The following NDST4 variants were observed in gnomAD, a reference collection of about 807,000 sequenced individuals.
The protein encoded by NDST4 is N-heparan sulfate sulfotransferase 4.
NDST4 carries 63 observed loss-of-function variants against 100.8 expected under a neutral mutation model. The observed-to-expected ratio is 0.62, with a 90% CI of 0.51 to 0.77. NDST4 has a LOEUF of 0.77. Ranked by LOEUF, NDST4 falls within the 30% of genes least tolerant of loss-of-function variation. NDST4 has a pLI of 0.00. For synonymous variants in NDST4, 377 were observed against 361.8 expected, an observed-to-expected ratio of 1.04 and a Z score of -0.48; for missense variants, 943 against 1,018.4, an observed-to-expected ratio of 0.93 and a Z score of 1.01.
chr4:115,109,123 T>C (rs1168675549), intron 1 of NDST4, among the ~76,000 whole-genome samples: 2 of 143,568 alleles, frequency 1.4e-5, no homozygotes. Context: ...AGAAAAAGAA[T>C]AGAAAAAGAG....
intron 1 of NDST4, among the ~76,000 whole-genome samples, chr4:115,077,917 G>A (rs1168852395): frequency 6.6e-6 from 1 of 152,070 alleles, no homozygotes; most frequent in Non-Finnish European, 1.5e-5. Flanking sequence ...TGAAACAGAG[G>A]ACAGAACGCT....
At chr4:114,887,268 T>G (rs1267328122) in intron 6 of NDST4, among the ~76,000 whole-genome samples, 1 of 152,196 alleles carries the variant, frequency 6.6e-6, no homozygotes, top group Non-Finnish European at 1.5e-5. Context: ...CTTTGTTTAG[T>G]GTAAAAATTG....
At chr4:114,873,299 C>T (rs72679793) in intron 6 of NDST4, among the ~76,000 whole-genome samples, 13,996 of 151,466 alleles carry the variant, frequency 0.092, 709 homozygotes, top group African/African-American at 0.15. Context: ...AGTTAAACCC[C>T]TTAAATTTAA....
rs148812941 is a variant in NDST4, at chr4:114,998,900, G to T, written c.979-21626C>A. 4.2e-3 allele frequency among the ~76,000 whole-genome samples: 643 copies of T among 152,134 alleles called. 10 individuals carry two copies. The highest frequency in any genetic ancestry group is 0.017 in the Middle Eastern group (5 of 294). ...CATCCACCAAGCCTCATGATTAGGCGTGACTTGTGATTTCCCCCTATTGTG... is the reference window on the plus strand; with the variant it reads ...CATCCACCAAGCCTCATGATTAGGCTTGACTTGTGATTTCCCCCTATTGTG... On this transcript the variant is annotated intron_variant, in intron 2 of 13. Coordinates refer to ENST00000264363, the MANE Select transcript of NDST4 (RefSeq NM_022569.3).
intron 7 of NDST4, among the ~76,000 whole-genome samples, chr4:114,869,582 A>C (rs1724104676): frequency 6.6e-6 from 1 of 152,110 alleles, no homozygotes; most frequent in Non-Finnish European, 1.5e-5. Context: ...TGTCTTTCTA[A>C]ATTACATATC....
intron 2 of NDST4, among the ~76,000 whole-genome samples, chr4:114,998,900 G>A (rs148812941): frequency 3.9e-5 from 6 of 152,016 alleles, no homozygotes; most frequent in East Asian, 1.9e-4. Flanking sequence ...ATGATTAGGC[G>A]TGACTTGTGA....
At chr4:115,089,924 T>C (rs918310813) in intron 1 of NDST4, among the ~76,000 whole-genome samples, 2 of 151,674 alleles carry the variant, frequency 1.3e-5, no homozygotes, top group African/African-American at 4.8e-5. Flanking sequence ...TTAATATTGG[T>C]ATATGTCCCC....
chr4:114,891,577 T>C (rs190988796), intron 6 of NDST4, among the ~76,000 whole-genome samples: 37 of 152,256 alleles, frequency 2.4e-4, no homozygotes, highest in Admixed American at 4.6e-4. Context: ...CCTTCTTTAT[T>C]TGTATTTCCA....
At chr4:115,020,269 G>T (rs1416054609) in intron 2 of NDST4, among the ~76,000 whole-genome samples, 2 of 152,026 alleles carry the variant, frequency 1.3e-5, no homozygotes, top group Non-Finnish European at 2.9e-5. Context: ...GTCTAAGATG[G>T]AACCAAAGAA....
intron 4 of NDST4, among the ~76,000 whole-genome samples, chr4:114,962,763 A>G (rs1211338274): frequency 6.6e-6 from 1 of 152,142 alleles, no homozygotes; most frequent in Non-Finnish European, 1.5e-5. Context: ...GACTGCTATC[A>G]CTGTCAAAAT....
At chr4:114,956,970 C>T (rs1726155285) in intron 4 of NDST4, among the ~76,000 whole-genome samples, 1 of 152,042 alleles carries the variant, frequency 6.6e-6, no homozygotes, top group Non-Finnish European at 1.5e-5. Flanking sequence ...TCTAAAGGGC[C>T]AAGGTGCCAG....
At chr4:115,094,607 T>C (rs540511244) in intron 1 of NDST4, among the ~76,000 whole-genome samples, 2 of 152,260 alleles carry the variant, frequency 1.3e-5, no homozygotes, top group South Asian at 2.1e-4. Context: ...AAAATTAATA[T>C]GTTGATTTTC....
At chr4:114,899,871 C>T (rs1038492655) in intron 6 of NDST4, among the ~76,000 whole-genome samples, 6 of 152,016 alleles carry the variant, frequency 3.9e-5, no homozygotes, top group African/African-American at 1.2e-4. Context: ...GAAAGTACTC[C>T]CTCTGCTTCT....
At chr4:115,062,255 A>T (rs1728840664) in intron 2 of NDST4, among the ~76,000 whole-genome samples, 1 of 152,114 alleles carries the variant, frequency 6.6e-6, no homozygotes, top group Admixed American at 6.6e-5. Flanking sequence ...TTGAAAATAT[A>T]AACTGCAAAT....
intron 6 of NDST4, among the ~76,000 whole-genome samples, chr4:114,922,506 T>G (rs1214572677): frequency 6.6e-6 from 1 of 152,184 alleles, no homozygotes; most frequent in Non-Finnish European, 1.5e-5. Context: ...TGCACTGATC[T>G]CTAACACTGC....
At chr4:114,976,740 T>G (rs1726642375) in intron 3 of NDST4, among the ~76,000 whole-genome samples, 1 of 152,100 alleles carries the variant, frequency 6.6e-6, no homozygotes, top group South Asian at 2.1e-4. Flanking sequence ...CTATTACATT[T>G]CATTGAGACC....
chr4:114,941,332 AC>A, intron 4 of NDST4, among the ~76,000 whole-genome samples: 1 of 150,002 alleles, frequency 6.7e-6, no homozygotes, highest in South Asian at 2.1e-4. Flanking sequence ...TTCTACTGTG[AC>A]CCCTCCCCTC....
intron 6 of NDST4, among the ~76,000 whole-genome samples, chr4:114,881,492 A>G (rs749345410): frequency 1.3e-5 from 2 of 152,086 alleles, no homozygotes; most frequent in Admixed American, 6.6e-5. Flanking sequence ...CAGAAACCTC[A>G]AAATAGTGAC....
chr4:114,893,106 G>T (rs1198692813), intron 6 of NDST4, among the ~76,000 whole-genome samples: 3 of 152,012 alleles, frequency 2.0e-5, no homozygotes, highest in Non-Finnish European at 4.4e-5. Context: ...AGTATTCCAT[G>T]GTGTATATGT....
Sources: gnomAD v4.1 joint callset for allele counts (sites outside exome capture counted in the v4.1 genomes callset) on GRCh38, gnomAD v4.1.1 for gene constraint, MANE v1.5 for transcripts, NCBI Gene and HGNC (gene_info 2026-07-23, HGNC 2026-07-21) for gene names.